Variants in PCDH15 observed in about 807,000 individuals in gnomAD.
The protein encoded by PCDH15 is protocadherin related 15, also known as protocadherin-15.
A neutral mutation model predicts 178.5 loss-of-function variants in PCDH15; 129 were observed. The ratio of observed to expected loss-of-function variants is 0.72; its 90% CI spans 0.63 to 0.84. The LOEUF (loss-of-function observed/expected upper bound fraction) is 0.84. PCDH15 is among the 40% of genes least tolerant of loss of function. The pLI is 0.00. For missense variants in PCDH15, 2,230 were observed against 2,099.9 expected, an observed-to-expected ratio of 1.06 and a Z score of -1.21; for synonymous variants, 800 against 732.0, an observed-to-expected ratio of 1.09 and a Z score of -1.50.
rs377422528 is a variant in PCDH15, at chr10:54,922,198, C to A, written c.-79-24698G>T. Among the ~76,000 whole-genome samples, 137 of 152,168 alleles carry A rather than the reference C, an allele frequency of 9.0e-4. 4 individuals carry two copies. In the South Asian group the frequency reaches 0.028, roughly 32 times the overall value. The stretch of plus-strand genomic sequence containing the variant: ...ATGACCATGCCTTTTCAACAGTCCC[C>A]CAAAGTCTTGACTCATTACAGCATT... On this transcript the variant is annotated intron_variant, in intron 2 of 5. Coordinates refer to the PCDH15 transcript ENST00000458638.
chr10:53,991,025 G>A (rs543728052), intron 21 of PCDH15, among the ~76,000 whole-genome samples: 24 of 152,216 alleles, frequency 1.6e-4, no homozygotes, highest in South Asian at 4.1e-4. Flanking sequence ...TCGAATTCTC[G>A]CCAGGCCTCA....
At chr10:54,079,747 C>T (rs1011966298) in intron 16 of PCDH15, among the ~76,000 whole-genome samples, 17 of 152,082 alleles carry the variant, frequency 1.1e-4, no homozygotes, top group African/African-American at 3.9e-4. Context: ...AGAGAAAAGA[C>T]TTCATTATTC....
intron 28 of PCDH15, among the ~76,000 whole-genome samples, chr10:53,855,839 T>A (rs1045183556): frequency 1.5e-4 from 23 of 148,392 alleles, no homozygotes; most frequent in Non-Finnish European, 2.8e-4. Context: ...TGTATACCTA[T>A]GTAACAAGCA....
intron 32 of PCDH15, chr10:53,821,045 A>C: frequency 1.1e-6 from 1 of 920,922 alleles, no homozygotes; most frequent in South Asian, 5.0e-5. Flanking sequence ...GAACAAACAA[A>C]ATTAAACAGC....
intron 2 of PCDH15, among the ~76,000 whole-genome samples, chr10:54,582,046 T>C (rs1428404554): frequency 6.6e-6 from 1 of 151,960 alleles, no homozygotes; most frequent in Non-Finnish European, 1.5e-5. Context: ...CAAAATCAAT[T>C]GCAACAAAAG....
At chr10:54,138,404 C>T (rs2043083204) in intron 14 of PCDH15, among the ~76,000 whole-genome samples, 1 of 152,098 alleles carries the variant, frequency 6.6e-6, no homozygotes, top group South Asian at 2.1e-4. Context: ...AGTTTGGATG[C>T]TCTTAGGGCT....
At chr10:54,306,856 A>G (rs2060500622) in intron 8 of PCDH15, among the ~76,000 whole-genome samples, 2 of 150,580 alleles carry the variant, frequency 1.3e-5, no homozygotes, top group African/African-American at 4.9e-5. Context: ...TCCAACCCCT[A>G]AAACACATAG....
chr10:54,874,883 C>T (rs1422477499), intron 3 of PCDH15, among the ~76,000 whole-genome samples: 1 of 152,098 alleles, frequency 6.6e-6, no homozygotes, highest in Non-Finnish European at 1.5e-5. Flanking sequence ...GAAATCACAG[C>T]CATGAGAAAT....
At chr10:54,273,436 A>C (rs1591529400) in intron 8 of PCDH15, among the ~76,000 whole-genome samples, 1 of 152,056 alleles carries the variant, frequency 6.6e-6, no homozygotes, top group East Asian at 1.9e-4. Context: ...AGCCAGATTG[A>C]TGACCAAGTA....
At chr10:54,796,942 C>T (rs78937641) in intron 1 of PCDH15, among the ~76,000 whole-genome samples, 1 of 151,944 alleles carries the variant, frequency 6.6e-6, no homozygotes, top group African/African-American at 2.4e-5. Context: ...CTTGGATAAA[C>T]AATTTGCATT....
At chr10:54,501,338 A>C (rs948017321) in intron 3 of PCDH15, among the ~76,000 whole-genome samples, 12 of 152,184 alleles carry the variant, frequency 7.9e-5, no homozygotes, top group African/African-American at 1.4e-4. Context: ...ATTTGAGAAT[A>C]TTGGGAAATA....
At chr10:54,130,764 G>A (rs948652144) in intron 15 of PCDH15, among the ~76,000 whole-genome samples, 7 of 152,150 alleles carry the variant, frequency 4.6e-5, no homozygotes, top group East Asian at 1.9e-4. Flanking sequence ...TGAGCAGTGC[G>A]TCAGCTGTAG....
intron 1 of PCDH15, among the ~76,000 whole-genome samples, chr10:54,734,460 T>C (rs2132700789): frequency 6.6e-6 from 1 of 151,892 alleles, no homozygotes; most frequent in Admixed American, 6.6e-5. Context: ...CTGGTGAAAA[T>C]GCAAGATAAG....
chr10:54,195,958 T>G, intron 10 of PCDH15, 69 bp from the exon 11 acceptor site: 3 of 1,377,540 alleles, frequency 2.2e-6, no homozygotes, highest in Non-Finnish European at 3.1e-6. Context: ...GTTTCACTTT[T>G]CATGCAATAT....
intron 11 of PCDH15, among the ~76,000 whole-genome samples, chr10:54,195,092 T>G (rs1306756637): frequency 6.6e-6 from 1 of 152,180 alleles, no homozygotes; most frequent in African/African-American, 2.4e-5. Flanking sequence ...TTTATAACAT[T>G]CACTCTGGCT....
At chr10:54,399,442 CA>C (rs1211783523) in intron 3 of PCDH15, among the ~76,000 whole-genome samples, 6 of 151,966 alleles carry the variant, frequency 3.9e-5, no homozygotes, top group Non-Finnish European at 5.9e-5. Flanking sequence ...AGCTTGATGA[CA>C]AGAACATCAG....
intron 10 of PCDH15, among the ~76,000 whole-genome samples, chr10:54,199,374 C>T (rs905387067): frequency 1.3e-5 from 2 of 151,946 alleles, no homozygotes; most frequent in Non-Finnish European, 2.9e-5. Flanking sequence ...ACATACAGAA[C>T]ATGGGCCCAG....
chr10:55,590,982 T>C (rs1842832506), intron 2 of PCDH15, among the ~76,000 whole-genome samples: 1 of 152,144 alleles, frequency 6.6e-6, no homozygotes, highest in Admixed American at 6.5e-5. Context: ...TAAAATTTAA[T>C]ATAATCTAAC....
rs1053994078 is a variant in PCDH15 at position 54,651,142 on chromosome 10, T to A, written c.91+13030A>T. On this transcript the variant is annotated intron_variant, in intron 2 of 37. Transcript: ENST00000644397. ...ATTGAGCTTATAAATGAGCCCTGGA[T>A]AGATGGATTACGAGAAAGAAAAGGG... Among the ~76,000 whole-genome samples, 3 of 151,874 alleles carry A rather than the reference T, an allele frequency of 2.0e-5. No individual in the cohort carries two copies. In the East Asian group the frequency reaches 5.8e-4, roughly 30 times the overall value.
Sources: gnomAD v4.1 joint callset for allele counts (sites outside exome capture counted in the v4.1 genomes callset) on GRCh38, gnomAD v4.1.1 for gene constraint, MANE v1.5 for transcripts, NCBI Gene and HGNC (gene_info 2026-07-23, HGNC 2026-07-21) for gene names.